VIPR1: variants seen among roughly 807,000 people sequenced by gnomAD.
VIPR1 encodes vasoactive intestinal peptide receptor 1.
Under a neutral mutation model 58.8 loss-of-function variants are expected in VIPR1, and 59 were observed. The ratio of observed to expected loss-of-function variants is 1.00; its 90% CI spans 0.81 to 1.25. The LOEUF is 1.25. Ranked by LOEUF, VIPR1 falls within the 50% of genes most tolerant of loss-of-function variation. The probability of loss-of-function intolerance (pLI) is 0.00; values close to 1 mark genes in which losing one functional copy is unlikely to be tolerated. For synonymous variants in VIPR1, 251 were observed against 242.1 expected (o/e 1.04, Z -0.34); for missense variants, 626 against 602.7 (o/e 1.04, Z -0.40).
In VIPR1 at chr3:42,519,350, G is replaced by A; in HGVS notation, c.292+20G>A. The A allele has an allele frequency of 6.3e-7, 1 of 1,581,206 alleles. No homozygotes were observed. The highest frequency in any genetic ancestry group is 8.6e-7 in the Non-Finnish European group (1 of 1,163,660). On this transcript the variant is annotated intron_variant, in intron 3 of 12. Coordinates refer to ENST00000325123, the MANE Select transcript of VIPR1 (RefSeq NM_004624.4). Reference sequence around the variant, plus strand: ...TTCAAGGTAAGACCCCTGGGTTGAAGAGGTGATGTGAGTGGGGCCGGCTGG... The same window carrying A: ...TTCAAGGTAAGACCCCTGGGTTGAAAAGGTGATGTGAGTGGGGCCGGCTGG...
exon 1 of VIPR1, chr3:42,489,583 G>A (rs985257426): frequency 1.3e-5 from 2 of 152,262 alleles, no homozygotes; most frequent in Admixed American, 1.3e-4. Flanking sequence ...CTGACACCAG[G>A]AGGATAAGGA....
At position 42,530,884 on chromosome 3, in the gene VIPR1, T is replaced by C; in HGVS notation, c.742T>C (p.Phe248Leu). 6.2e-7 allele frequency: 1 copy of C among 1,614,102 alleles called. No individual in the cohort carries two copies. The highest frequency in any genetic ancestry group is 1.1e-5 in the South Asian group (1 of 91,074). ...CCTGTACACCCTGCTTGCCGTCTCCTTCTTCTCTGAGCGGAAGTACTTCTG... is the reference window on the plus strand; with the variant it reads ...CCTGTACACCCTGCTTGCCGTCTCCCTCTTCTCTGAGCGGAAGTACTTCTG... ...LYLYTLLAVS[F>L]FSERKYFWGY... The change falls in exon 7 of 13, where the codon TTC becomes CTC. Residue 248 changes from phenylalanine to leucine, a missense_variant. Physicochemically the swap from Phe to Leu is conservative, Grantham distance 22 (BLOSUM62 0). Transcript: ENST00000325123.
Position 42,519,339 on chromosome 3 carries a change from C to G in VIPR1, c.292+9C>G. On this transcript the variant is annotated intron_variant, in intron 3 of 12. Coordinates refer to ENST00000325123, the MANE Select transcript of VIPR1 (RefSeq NM_004624.4). ...CTTCTCCTCCATTCAAGGTAAGACCCCTGGGTTGAAGAGGTGATGTGAGTG... is the reference window on the plus strand; with the variant it reads ...CTTCTCCTCCATTCAAGGTAAGACCGCTGGGTTGAAGAGGTGATGTGAGTG... 1.3e-6 allele frequency: 2 copies of G among 1,596,128 alleles called. No homozygotes were observed. The highest frequency in any genetic ancestry group is 1.3e-5 in the African/African-American group (1 of 74,166).
chr3:42,531,852 A>G lies in VIPR1; in HGVS notation c.901A>G (p.Ile301Val), dbSNP rs1421242582. 3 of 1,614,110 alleles carry G rather than the reference A, an allele frequency of 1.9e-6. No homozygotes were observed. In the East Asian group the frequency reaches 6.7e-5, roughly 36 times the overall value. ...SSLWWIIKGP[I>V]LTSILVNFIL... ...ACTGTGGTGGATCATAAAGGGCCCC[A>G]TCCTCACCTCCATCTTGGTAAGATA... The change falls in exon 9 of 13, where the codon ATC becomes GTC. Residue 301 changes from isoleucine to valine, a missense_variant. Coordinates refer to ENST00000325123, the MANE Select transcript of VIPR1 (RefSeq NM_004624.4).
rs755962785 is a variant in VIPR1, at chr3:42,534,973, A to G, written c.1011-2A>G. 1.2e-6 allele frequency: 2 copies of G among 1,613,994 alleles called. No individual in the cohort carries two copies. Among genetic ancestry groups the G allele is most frequent in the Non-Finnish European group, 1.7e-6 (2 of 1,179,984 alleles). On this transcript the variant is annotated splice_acceptor_variant, in intron 10 of 12. Coordinates refer to ENST00000325123, the MANE Select transcript of VIPR1 (RefSeq NM_004624.4). LOFTEE classifies it high-confidence loss of function. ...CATGGCCTGTCCCTCCCCTGTCTCC[A>G]GAAGGCTAGCCAGGTCCACACTCCT...
At chr3:42,523,942 T>A (rs1237331362) in intron 3 of VIPR1, among the ~76,000 whole-genome samples, 1 of 152,120 alleles carries the variant, frequency 6.6e-6, no homozygotes, top group Non-Finnish European at 1.5e-5. Flanking sequence ...CTCAGCCTCC[T>A]GAGTAGCTGG....
At chr3:42,489,865 C>A (rs1292763812) in intron 1 of VIPR1, among the ~76,000 whole-genome samples, 3 of 152,186 alleles carry the variant, frequency 2.0e-5, no homozygotes, top group East Asian at 1.9e-4. Flanking sequence ...GGTCTTAGCT[C>A]CAGCAAGCCT....
intron 3 of VIPR1, among the ~76,000 whole-genome samples, chr3:42,524,319 C>T (rs551038391): frequency 5.9e-5 from 9 of 152,296 alleles, no homozygotes; most frequent in South Asian, 2.1e-4. Context: ...CTGAGAGGGG[C>T]GCAGAAGGAC....
At chr3:42,503,902 C>T (rs565483319) in intron 1 of VIPR1, among the ~76,000 whole-genome samples, 1 of 152,250 alleles carries the variant, frequency 6.6e-6, no homozygotes, top group South Asian at 2.1e-4. Flanking sequence ...CATTCTCTCC[C>T]ATGGTCACTT....
At chr3:42,535,305 T>C (rs1577262546) in intron 11 of VIPR1, 38 bp from the exon 12 acceptor site, 2 of 1,612,792 alleles carry the variant, frequency 1.2e-6, no homozygotes, top group Non-Finnish European at 1.7e-6. Flanking sequence ...GGGCTTCTGG[T>C]CTGTCTACCT....
At chr3:42,490,722 T>TG (rs1559472679) in intron 1 of VIPR1, among the ~76,000 whole-genome samples, 1 of 150,466 alleles carries the variant, frequency 6.6e-6, no homozygotes, top group African/African-American at 2.5e-5. Flanking sequence ...GTTTAGGAGT[T>TG]GGGGGGAAGG....
intron 1 of VIPR1, among the ~76,000 whole-genome samples, chr3:42,503,590 T>C (rs1458968372): frequency 6.6e-6 from 1 of 152,156 alleles, no homozygotes; most frequent in Non-Finnish European, 1.5e-5. Context: ...TGTGTTCCTG[T>C]GGATGGCTTA....
At chr3:42,515,137 G>C (rs1172560148) in intron 2 of VIPR1, among the ~76,000 whole-genome samples, 1 of 152,196 alleles carries the variant, frequency 6.6e-6, no homozygotes, top group Non-Finnish European at 1.5e-5. Context: ...TCAGGAGCAG[G>C]GAGCATCTTT....
At chr3:42,506,284 G>T (rs758463655) in intron 1 of VIPR1, among the ~76,000 whole-genome samples, 26 of 152,270 alleles carry the variant, frequency 1.7e-4, no homozygotes, top group Non-Finnish European at 3.7e-4. Flanking sequence ...CCAGGGTAGG[G>T]GCTCTAACCT....
intron 4 of VIPR1, among the ~76,000 whole-genome samples, chr3:42,526,962 C>A (rs1387442136): frequency 1.3e-5 from 2 of 152,164 alleles, no homozygotes; most frequent in Non-Finnish European, 2.9e-5. Flanking sequence ...ACCTCGCATA[C>A]CTCTCCTCCC....
intron 2 of VIPR1, among the ~76,000 whole-genome samples, chr3:42,516,031 A>C (rs894602459): frequency 5.9e-5 from 9 of 152,064 alleles, no homozygotes; most frequent in African/African-American, 2.2e-4. Context: ...GCATGTTTGC[A>C]TGTGTGCCTG....
chr3:42,504,452 C>A (rs7625494), intron 1 of VIPR1, among the ~76,000 whole-genome samples: 16,630 of 152,080 alleles, frequency 0.11, 1,113 homozygotes, highest in East Asian at 0.32. Flanking sequence ...TCCCTGATTG[C>A]TCCAGCCAAC....
intron 3 of VIPR1, chr3:42,519,651 T>C (rs1047372926): frequency 1.4e-5 from 3 of 215,016 alleles, no homozygotes; most frequent in African/African-American, 6.9e-5. Flanking sequence ...AGTCTTTCGA[T>C]GCCTGGAGCC....
chr3:42,493,890 C>A (rs1355947283), intron 1 of VIPR1, among the ~76,000 whole-genome samples: 1 of 152,196 alleles, frequency 6.6e-6, no homozygotes, highest in Non-Finnish European at 1.5e-5. Flanking sequence ...TTTCTGGAAA[C>A]ATCTGGTTTA....
Sources: allele counts gnomAD v4.1 joint callset (sites outside exome capture counted in the v4.1 genomes callset), GRCh38; gene constraint gnomAD v4.1.1; transcripts MANE v1.5; gene names NCBI Gene and HGNC (gene_info 2026-07-23, HGNC 2026-07-21).